QSOX1: variants seen among roughly 807,000 people sequenced by gnomAD.
The protein encoded by QSOX1 is quiescin sulfhydryl oxidase 1.
Under a neutral mutation model 76.1 loss-of-function variants are expected in QSOX1, and 40 were observed. The ratio of observed to expected loss-of-function variants is 0.53; its 90% CI spans 0.41 to 0.68. The LOEUF (loss-of-function observed/expected upper bound fraction) is 0.68. Ranked by LOEUF, QSOX1 falls within the 30% of genes least tolerant of loss-of-function variation. The pLI is 0.00. For missense variants in QSOX1, 931 were observed against 974.3 expected (o/e 0.96, Z 0.59); for synonymous variants, 392 against 413.1 (o/e 0.95, Z 0.62).
rs1413294975 is a variant in QSOX1, at chr1:180,193,283, A to G, written c.1289-930A>G. Among the ~76,000 whole-genome samples, 7 of 152,036 alleles carry G rather than the reference A, an allele frequency of 4.6e-5. No individual in the cohort carries two copies. In the South Asian group the frequency reaches 6.2e-4, roughly 14 times the overall value. ...AGTGGGGTAACCCGAGCAGCAGCGG[A>G]GACAGAGGCTGAGCAACGCCAGGGC... On this transcript the variant is annotated intron_variant, in intron 10 of 11. Coordinates refer to ENST00000367602, the MANE Select transcript of QSOX1 (RefSeq NM_002826.5).
At position 180,175,373 on chromosome 1, in the gene QSOX1, G is replaced by T. The variant is rs200964307; in HGVS notation, c.412+7G>T. On this transcript the variant is annotated splice_region_variant and intron_variant, in intron 3 of 11. Transcript: ENST00000367602. ...TCGGGAGCAGTATTTCCAGGTGGGTGCCCAGCTCTGGTTGTCCTGTTAGCA... is the reference window on the plus strand; with the variant it reads ...TCGGGAGCAGTATTTCCAGGTGGGTTCCCAGCTCTGGTTGTCCTGTTAGCA... 1.2e-6 allele frequency: 2 copies of T among 1,613,416 alleles called. No homozygotes were observed. The highest frequency in any genetic ancestry group is 1.3e-5 in the African/African-American group (1 of 75,004).
At chr1:180,155,949 A>T (rs926009959) in intron 1 of QSOX1, among the ~76,000 whole-genome samples, 1 of 152,204 alleles carries the variant, frequency 6.6e-6, no homozygotes, top group African/African-American at 2.4e-5. Flanking sequence ...CCTGAATTCC[A>T]AGACACCATC....
At chr1:180,175,865 G>T in intron 3 of QSOX1, 66 bp from the exon 4 acceptor site, 2 of 1,270,164 alleles carry the variant, frequency 1.6e-6, no homozygotes, top group South Asian at 1.3e-5. Context: ...GAGTGAAGGT[G>T]GCCAGTGTGC....
intron 2 of QSOX1, among the ~76,000 whole-genome samples, chr1:180,168,500 G>A (rs549286727): frequency 6.6e-6 from 1 of 152,350 alleles, no homozygotes; most frequent in South Asian, 2.1e-4. Context: ...TCTCTGCTCT[G>A]AGGTCCTATG....
In QSOX1 at chr1:180,197,084, C is replaced by G. The variant is rs771674827; in HGVS notation, c.*47C>G. On this transcript the variant is annotated 3_prime_UTR_variant, in exon 12 of 12. Coordinates refer to ENST00000367602, the MANE Select transcript of QSOX1 (RefSeq NM_002826.5). ...AGAGGGAGCTGCCATCTCTAGGCAC[C>G]TCAAGCCCCCTGACCCCATTCCCTC... is the stretch of plus-strand genomic sequence containing the variant. 1 of 1,553,514 alleles carries G rather than the reference C, an allele frequency of 6.4e-7. No individual in the cohort carries two copies. Among genetic ancestry groups the G allele is most frequent in the African/African-American group, 1.4e-5 (1 of 73,408 alleles).
rs1250834842 is a variant in QSOX1 at position 180,198,429 on chromosome 1, G to C, written c.*1392G>C. ...GATTAGAGAGCCTGCCCCTAATCCG[G>C]CCTGCTGGGTTTTACAAGGATCAGA... On this transcript the variant is annotated 3_prime_UTR_variant, in exon 12 of 12. Transcript: ENST00000367602. The C allele has an allele frequency of 6.6e-6, 3 of 455,556 alleles. No individual in the cohort carries two copies. The East Asian group carries it at 2.1e-4, about 32-fold the overall frequency. 28.2% of individuals were successfully genotyped at this position (455,556 alleles called of 1,614,324 possible). A position where few individuals can be genotyped will look rare whatever the true frequency, so the allele number is the denominator to read the frequency against.
At chr1:180,161,806 G>A (rs143362404) in intron 1 of QSOX1, among the ~76,000 whole-genome samples, 2 of 152,212 alleles carry the variant, frequency 1.3e-5, no homozygotes, top group East Asian at 3.9e-4. Context: ...GCTTGATCTT[G>A]GTTATCAGTT....
intron 2 of QSOX1, among the ~76,000 whole-genome samples, chr1:180,170,112 G>A (rs919090317): frequency 1.3e-5 from 2 of 152,200 alleles, no homozygotes; most frequent in African/African-American, 4.8e-5. Context: ...GGGGAGGAGG[G>A]AGCCCAGAAA....
intron 2 of QSOX1, among the ~76,000 whole-genome samples, 165 bp from the exon 3 acceptor site, chr1:180,175,156 C>A (rs900264018): frequency 2.0e-3 from 279 of 136,574 alleles, no homozygotes; most frequent in Admixed American, 2.2e-3. Flanking sequence ...GACTCTGTCT[C>A]AAAAAAAAAA....
At chr1:180,174,631 C>A (rs527356355) in intron 2 of QSOX1, among the ~76,000 whole-genome samples, 5 of 152,310 alleles carry the variant, frequency 3.3e-5, no homozygotes, top group African/African-American at 1.2e-4. Flanking sequence ...GATGAGTCTG[C>A]AAAGGAAAAC....
intron 7 of QSOX1, among the ~76,000 whole-genome samples, chr1:180,185,035 G>T (rs3767177): frequency 6.6e-6 from 1 of 152,032 alleles, no homozygotes; most frequent in Non-Finnish European, 1.5e-5. Flanking sequence ...CACCTTCCCT[G>T]TGTTACCTCA....
In QSOX1 at chr1:180,175,330, G is replaced by T. The variant is rs778835833; in HGVS notation, c.376G>T (p.Ala126Ser). ...PGFPTVRFFKAFTKNGSGAVF... is the reference protein window; with the variant it reads ...PGFPTVRFFKSFTKNGSGAVF... ...GTGTGTTTGCTTCCAGTTCTTCAAGGCCTTTACCAAGAACGGCTCGGGAGC... is the reference window on the plus strand; with the variant it reads ...GTGTGTTTGCTTCCAGTTCTTCAAGTCCTTTACCAAGAACGGCTCGGGAGC... The change falls in exon 3 of 12, where the codon GCC (alanine) becomes TCC (serine). Residue 126 changes from alanine to serine, a missense_variant. Physicochemically the swap from Ala to Ser is moderately conservative, Grantham distance 99. Transcript: ENST00000367602. 3 of 1,614,062 alleles carry T rather than the reference G, an allele frequency of 1.9e-6. No homozygotes were observed. Among genetic ancestry groups the T allele is most frequent in the Non-Finnish European group, 2.5e-6 (3 of 1,179,984 alleles).
At chr1:180,190,773 C>T (rs12091464) in intron 10 of QSOX1, among the ~76,000 whole-genome samples, 193 bp downstream of exon 10, 21,003 of 152,194 alleles carry the variant, frequency 0.14, 1,617 homozygotes, top group Middle Eastern at 0.21. Flanking sequence ...CAGAATAGAA[C>T]CAATCCCAGG....
Position 180,196,223 on chromosome 1 carries a change from C to T in QSOX1, c.1469-39C>T. On this transcript the variant is annotated intron_variant, in intron 11 of 11. Coordinates refer to ENST00000367602, the MANE Select transcript of QSOX1 (RefSeq NM_002826.5). The surrounding 1 kb of genome is among the most constrained non-coding windows in gnomAD (Gnocchi z 4.1). ...GTGTGGTCTGGGTTTTTGGGTGGGA[C>T]TGATGTCACCACCAGCCTGTGTATG... 6.4e-7 allele frequency: 1 copy of T among 1,572,112 alleles called. No homozygotes were observed. The highest frequency in any genetic ancestry group is 8.7e-7 in the Non-Finnish European group (1 of 1,154,348).
chr1:180,196,946 C>T lies in QSOX1; in HGVS notation c.2153C>T (p.Ser718Phe). 2 of 1,608,784 alleles carry T rather than the reference C, an allele frequency of 1.2e-6. No homozygotes were observed. Among genetic ancestry groups the T allele is most frequent in the East Asian group, 2.2e-5 (1 of 44,772 alleles). ...LDISLCVGLY[S>F]LSFMGLLAMY... ...ATCAGCCTCTGTGTGGGGCTCTATT[C>T]CCTGTCCTTCATGGGCCTGCTGGCC... Residue 718 changes from serine (S) to phenylalanine (F), a missense_variant, in exon 12 of 12, where the codon TCC (serine) becomes TTC (phenylalanine). Coordinates refer to ENST00000367602, the MANE Select transcript of QSOX1 (RefSeq NM_002826.5). The surrounding 1 kb of genome is among the most constrained non-coding windows in gnomAD (Gnocchi z 4.1).
At chr1:180,171,597 T>C (rs1662760878) in intron 2 of QSOX1, among the ~76,000 whole-genome samples, 1 of 152,242 alleles carries the variant, frequency 6.6e-6, no homozygotes, top group African/African-American at 2.4e-5. Context: ...GGTTTGTTCA[T>C]TGATCCCTTT....
In QSOX1 at chr1:180,192,399, T is replaced by C. The variant is rs572499431; in HGVS notation, c.1289-1814T>C. Among the ~76,000 whole-genome samples, 3 of 152,200 alleles carry C rather than the reference T, an allele frequency of 2.0e-5. No homozygotes were observed. The South Asian group carries it at 6.2e-4, about 32-fold the overall frequency. On this transcript the variant is annotated intron_variant, in intron 10 of 11. Transcript: ENST00000367602. The stretch of plus-strand genomic sequence containing the variant: ...CGGAAGTGACAGTTGGTTAACACTT[T>C]AGAAAGGTGGAGGATGGGCTACTGC...
At chr1:180,182,013 G>C (rs1028874853) in intron 5 of QSOX1, among the ~76,000 whole-genome samples, 161 bp from the exon 6 acceptor site, 1 of 152,212 alleles carries the variant, frequency 6.6e-6, no homozygotes, top group Non-Finnish European at 1.5e-5. Flanking sequence ...TGTTGATGGC[G>C]AGTATCTCTT....
At chr1:180,173,806 T>A (rs1662816226) in intron 2 of QSOX1, among the ~76,000 whole-genome samples, 1 of 152,232 alleles carries the variant, frequency 6.6e-6, no homozygotes, top group African/African-American at 2.4e-5. Context: ...AGTTCCTTGA[T>A]GTATGCACTA....
Sources: allele counts gnomAD v4.1 joint callset (sites outside exome capture counted in the v4.1 genomes callset), GRCh38; gene constraint gnomAD v4.1.1; non-coding constraint Gnocchi (gnomAD v3.1); transcripts MANE v1.5; gene names NCBI Gene and HGNC (gene_info 2026-07-23, HGNC 2026-07-21).